SUMF1: variants seen among roughly 807,000 people sequenced by gnomAD.
SUMF1 encodes formylglycine-generating enzyme.
In SUMF1, 48 loss-of-function variants were observed where a neutral mutation model predicts 47.6. That is an observed-to-expected ratio of 1.01 (90% CI 0.80 to 1.28). The LOEUF (loss-of-function observed/expected upper bound fraction) is 1.28, where lower values mean the gene tolerates loss of function less well. Among genes scored for constraint, SUMF1 ranks in the 50% most tolerant of loss-of-function variants. The pLI is 0.00. For missense variants in SUMF1, 571 were observed against 485.4 expected (o/e 1.18, Z -1.66); for synonymous variants, 230 against 192.1 (o/e 1.20, Z -1.63).
Position 4,313,483 on chromosome 3 carries a change from G to T in SUMF1, c.1014+62847C>A, listed in dbSNP as rs754347407. ...AATGGTACCTAAGTTGGCACTTTTT[G>T]CAGCCAAAGATATTGTGCCAGAAGA... On this transcript the variant is annotated intron_variant and NMD_transcript_variant, in intron 8 of 12. Transcript: ENST00000448413. 2.5e-6 allele frequency: 4 copies of T among 1,613,318 alleles called. No homozygotes were observed. In the African/African-American group the frequency reaches 4.0e-5, roughly 16 times the overall value.
intron 8 of SUMF1, among the ~76,000 whole-genome samples, chr3:4,165,628 C>G (rs1694682060): frequency 6.6e-6 from 1 of 152,034 alleles, no homozygotes; most frequent in Admixed American, 6.5e-5. Context: ...CAGAAAAGGT[C>G]AAGCTGCAGG....
chr3:4,374,284 T>C (rs533421134), intron 8 of SUMF1, among the ~76,000 whole-genome samples: 4 of 152,302 alleles, frequency 2.6e-5, no homozygotes, highest in African/African-American at 7.2e-5. Context: ...GAAAATATGA[T>C]ACAATTTACA....
intron 8 of SUMF1, among the ~76,000 whole-genome samples, chr3:4,164,835 T>C (rs1251429334): frequency 6.6e-6 from 1 of 152,146 alleles, no homozygotes; most frequent in Admixed American, 6.5e-5. Flanking sequence ...TTAGGATAAA[T>C]TGACCCTTGA....
At chr3:4,390,550 T>G (rs1055045007) in intron 7 of SUMF1, among the ~76,000 whole-genome samples, 26 of 152,134 alleles carry the variant, frequency 1.7e-4, no homozygotes, top group Admixed American at 6.5e-4. Context: ...TCTGGGTTGC[T>G]TGCTTCCCTA....
At chr3:4,139,957 C>T (rs1694036474) in intron 8 of SUMF1, among the ~76,000 whole-genome samples, 1 of 152,012 alleles carries the variant, frequency 6.6e-6, no homozygotes, top group Non-Finnish European at 1.5e-5. Flanking sequence ...TTTAGCCACT[C>T]AGACATTCCA....
At chr3:4,051,357 T>A (rs1450809340) in intron 9 of SUMF1, among the ~76,000 whole-genome samples, 1 of 152,100 alleles carries the variant, frequency 6.6e-6, no homozygotes, top group Non-Finnish European at 1.5e-5. Context: ...TCTTTGTAAC[T>A]AAGTCACAGG....
chr3:4,102,097 G>T (rs1161514174), intron 8 of SUMF1, among the ~76,000 whole-genome samples: 1 of 152,078 alleles, frequency 6.6e-6, no homozygotes, highest in Non-Finnish European at 1.5e-5. Context: ...ACTCCCATTG[G>T]GTCCATCCCA....
chr3:4,108,367 C>T (rs118114940), intron 8 of SUMF1, among the ~76,000 whole-genome samples: 9,111 of 152,030 alleles, frequency 0.06, 703 homozygotes, highest in East Asian at 0.16. Context: ...TTGGAATAAG[C>T]GCAGTGTGGT....
chr3:4,219,944 A>C (rs1440197453), intron 8 of SUMF1, among the ~76,000 whole-genome samples: 1 of 152,136 alleles, frequency 6.6e-6, no homozygotes, highest in Non-Finnish European at 1.5e-5. Context: ...AAGGTGATAA[A>C]CTTGGAAGTA....
At chr3:4,216,059 C>T (rs1695916958) in intron 8 of SUMF1, among the ~76,000 whole-genome samples, 1 of 152,098 alleles carries the variant, frequency 6.6e-6, no homozygotes, top group Non-Finnish European at 1.5e-5. Flanking sequence ...TCATATGGAA[C>T]CAAAAAAGAG....
chr3:4,109,058 G>A (rs1384489387), intron 8 of SUMF1, among the ~76,000 whole-genome samples: 5 of 152,106 alleles, frequency 3.3e-5, no homozygotes, highest in African/African-American at 4.8e-5. Context: ...TGCAGTGGCC[G>A]ATACCAGTTG....
At chr3:4,264,686 C>A (rs539027100) in intron 8 of SUMF1, among the ~76,000 whole-genome samples, 19 of 152,238 alleles carry the variant, frequency 1.2e-4, no homozygotes, top group Admixed American at 5.2e-4. Flanking sequence ...ACTTTCACAT[C>A]AGAAAGTGGA....
chr3:4,038,776 C>T (rs1321684337), intron 9 of SUMF1, among the ~76,000 whole-genome samples: 1 of 152,182 alleles, frequency 6.6e-6, no homozygotes, highest in Non-Finnish European at 1.5e-5. Context: ...TCAGATGGCT[C>T]TGGGAGTCTC....
At chr3:4,080,598 C>A (rs986776921) in intron 8 of SUMF1, among the ~76,000 whole-genome samples, 2 of 152,084 alleles carry the variant, frequency 1.3e-5, no homozygotes, top group African/African-American at 4.8e-5. Context: ...AGCATCCAAA[C>A]AATGTTCTAA....
intron 9 of SUMF1, among the ~76,000 whole-genome samples, chr3:4,061,966 C>G (rs1450775970): frequency 2.0e-5 from 3 of 152,042 alleles, no homozygotes; most frequent in Non-Finnish European, 4.4e-5. Flanking sequence ...CCCACCTCTT[C>G]TGTCCCACTG....
chr3:4,262,613 G>A (rs1697110541), intron 8 of SUMF1, among the ~76,000 whole-genome samples: 1 of 152,118 alleles, frequency 6.6e-6, no homozygotes, highest in Admixed American at 6.6e-5. Context: ...ATGGCTACCA[G>A]CAGCTTTAGG....
At chr3:4,270,390 C>T (rs984837638) in intron 8 of SUMF1, among the ~76,000 whole-genome samples, 1 of 151,942 alleles carries the variant, frequency 6.6e-6, no homozygotes, top group African/African-American at 2.4e-5. Context: ...CTTCTCTTCT[C>T]TCTTTGCTCT....
At chr3:4,322,513 ATGG>A (rs1399010907) in intron 8 of SUMF1, among the ~76,000 whole-genome samples, 1 of 152,126 alleles carries the variant, frequency 6.6e-6, no homozygotes, top group African/African-American at 2.4e-5. Context: ...AATGCCAGAA[ATGG>A]TGGTGCATGC....
In SUMF1 at chr3:4,467,260, C is replaced by G; in HGVS notation, c.-15G>C. On this transcript the variant is annotated 5_prime_UTR_variant, in exon 1 of 9. The change abolishes an upstream ATG in the 5' untranslated region. Transcript: ENST00000272902. ...GGCGCAGCCATGTTGTCCCGCGGGC[C>G]ATGTGACCCGGTTGGTCACGTGGCT... The G allele has an allele frequency of 6.2e-7, 1 of 1,604,636 alleles. No homozygotes were observed. Among genetic ancestry groups the G allele is most frequent in the Non-Finnish European group, 8.5e-7 (1 of 1,176,194 alleles).
Sources: gnomAD v4.1 joint callset for allele counts (sites outside exome capture counted in the v4.1 genomes callset) on GRCh38, gnomAD v4.1.1 for gene constraint, MANE v1.5 for transcripts, NCBI Gene and HGNC (gene_info 2026-07-23, HGNC 2026-07-21) for gene names.